MYBPC3: variants seen among roughly 807,000 people sequenced by gnomAD.
MYBPC3 encodes the protein myosin binding protein C3.
MYBPC3 carries 108 observed loss-of-function variants against 159.3 expected under a neutral mutation model. The observed-to-expected ratio is 0.68, with a 90% confidence interval of 0.58 to 0.80. MYBPC3 has a LOEUF of 0.80. Ranked by LOEUF, MYBPC3 falls within the 30% of genes least tolerant of loss-of-function variation. The probability of loss-of-function intolerance (pLI) is 0.00; values close to 1 mark genes in which losing one functional copy is unlikely to be tolerated. For synonymous variants in MYBPC3, 730 were observed against 702.0 expected (o/e 1.04, Z -0.63); for missense variants, 1,631 against 1,762.1 (o/e 0.93, Z 1.33).
In MYBPC3 at chr11:47,343,126, C is replaced by A; in HGVS notation, c.1246G>T (p.Gly416Cys). Residue 416 changes from glycine (G) to cysteine (C), a missense_variant, in exon 15 of 35, where the codon GGT becomes TGT. By Grantham distance (159) the Gly-to-Cys change is radical. Coordinates refer to ENST00000545968, the MANE Select transcript of MYBPC3 (RefSeq NM_000256.3). ...CTGATGGTCAGGGTACGCTTGGCAC[C>A]GATGGACTCAAAGATGTACCTGGGT... Reference protein sequence around the residue: ...SGSKYIFESIGAKRTLTISQC... With the variant: ...SGSKYIFESICAKRTLTISQC... The A allele has an allele frequency of 6.2e-7, 1 of 1,611,562 alleles. No individual in the cohort carries two copies. The highest frequency in any genetic ancestry group is 8.5e-7 in the Non-Finnish European group (1 of 1,178,972).
rs780665978 is a variant in MYBPC3 at position 47,339,796 on chromosome 11, G to A, written c.1928-6C>T. The A allele has an allele frequency of 2.5e-6, 4 of 1,613,090 alleles. No individual in the cohort carries two copies. The Middle Eastern group carries it at 5.0e-4, about 200-fold the overall frequency. ...CAGGTGGATCTTGGGAGGTTCTGCA[G>A]AAGACACAATGTAGTTCAGAGAAAC... On this transcript the variant is annotated splice_region_variant and splice_polypyrimidine_tract_variant and intron_variant, in intron 20 of 34. Transcript: ENST00000545968.
At position 47,342,120 on chromosome 11, in the gene MYBPC3, A is replaced by T; in HGVS notation, c.1661T>A (p.Leu554Gln). ...CGCCTGGTCCTTTGCGCCCACCATC[A>T]GGTCTGCGATGCTCTGGTACACCTC... Reference protein sequence around the residue: ...KLEVYQSIADLMVGAKDQAVF... With the variant: ...KLEVYQSIADQMVGAKDQAVF... The change falls in exon 18 of 35, where the codon CTG becomes CAG. Residue 554 changes from leucine (L) to glutamine (Q), a missense_variant. Leu to Gln is a moderately radical substitution (Grantham distance 113). Transcript: ENST00000545968. 1 of 1,614,010 alleles carries T rather than the reference A, an allele frequency of 6.2e-7. No individual in the cohort carries two copies. Among genetic ancestry groups the T allele is most frequent in the Non-Finnish European group, 8.5e-7 (1 of 1,179,884 alleles).
In MYBPC3 at chr11:47,342,674, GTC is replaced by G. The variant is rs2142861049; in HGVS notation, c.1526_1527del (p.Arg509ThrfsTer21). The stretch of plus-strand genomic sequence containing the variant: ...ATGGCCTCGTTGATGATCAGGTGGT[GTC>G]TCTGCCCGTCCTTCTTGAACCGGTA... ...FKYRFKKDGQRHHLIINEAML... is the reference protein window; with the variant it reads ...FKYRFKKDGQXHHLIINEAML... On this transcript the variant is annotated frameshift_variant, in exon 17 of 35. Coordinates refer to ENST00000545968, the MANE Select transcript of MYBPC3 (RefSeq NM_000256.3). LOFTEE classifies it high-confidence loss of function. The G allele has an allele frequency of 6.2e-7, 1 of 1,614,056 alleles. No individual in the cohort carries two copies. Among genetic ancestry groups the G allele is most frequent in the Non-Finnish European group, 8.5e-7 (1 of 1,179,894 alleles).
rs745843437 is a variant in MYBPC3, at chr11:47,348,381, C to T, written c.772+43G>A. The stretch of plus-strand genomic sequence containing the variant: ...GAAAAGGAGGTAGGAGACCAGGACC[C>T]ATGGGGAGCCCGAGCCCAGGACAGA... On this transcript the variant is annotated intron_variant, in intron 6 of 34. Transcript: ENST00000545968. The T allele has an allele frequency of 9.1e-6, 13 of 1,435,940 alleles. 1 individual carries two copies. The highest frequency in any genetic ancestry group is 3.5e-4 in the Middle Eastern group (2 of 5,786). The allele number at this position is 1,435,940 out of a possible 1,614,324, so 88.9% of individuals were successfully genotyped here.
chr11:47,349,769 C>T lies in MYBPC3; in HGVS notation c.654+5G>A, dbSNP rs397516066. The T allele has an allele frequency of 6.2e-7, 1 of 1,602,848 alleles. No individual in the cohort carries two copies. The highest frequency in any genetic ancestry group is 8.5e-7 in the Non-Finnish European group (1 of 1,179,462). ...TCCGTGTCTCCACGACCCCGGTGGA[C>T]CCACCTTGCTGGCGCGGTCGTAGCT... On this transcript the variant is annotated splice_donor_5th_base_variant and intron_variant, in intron 5 of 34. Transcript: ENST00000545968.
rs768731817 is a variant in MYBPC3, at chr11:47,346,178, T to C, written c.1090+29A>G. 33 of 1,612,748 alleles carry C rather than the reference T, an allele frequency of 2.0e-5. No individual in the cohort carries two copies. The African/African-American group carries it at 4.1e-4, about 20-fold the overall frequency. The stretch of plus-strand genomic sequence containing the variant: ...TGTAGGGAAGGGCTAGCCTGTGCCC[T>C]CTCCTCTCCCCTCTGAGGAAGGGCT... On this transcript the variant is annotated intron_variant, in intron 12 of 34. Coordinates refer to ENST00000545968, the MANE Select transcript of MYBPC3 (RefSeq NM_000256.3). The surrounding 1 kb of genome is among the most constrained non-coding windows in gnomAD (Gnocchi z 5.3).
Position 47,333,539 on chromosome 11 carries a change from G to A in MYBPC3, c.3190+18C>T. ...GGGAAGGGAAACAAGGGGGCTCAAG[G>A]AGGCCTTGGCCACGCACCAACAACC... On this transcript the variant is annotated intron_variant, in intron 29 of 34. Coordinates refer to ENST00000545968, the MANE Select transcript of MYBPC3 (RefSeq NM_000256.3). 1 of 1,599,456 alleles carries A rather than the reference G, an allele frequency of 6.3e-7. No homozygotes were observed. Among genetic ancestry groups the A allele is most frequent in the Non-Finnish European group, 8.5e-7 (1 of 1,179,624 alleles).
intron 21 of MYBPC3, 33 bp from the exon 22 acceptor site, chr11:47,339,437 G>A: frequency 6.2e-7 from 1 of 1,607,604 alleles, no homozygotes; most frequent in Non-Finnish European, 8.5e-7. Context: ...GTAGGGAGCA[G>A]AGGAGCTGAC....
intron 6 of MYBPC3, 74 bp downstream of exon 6, chr11:47,348,350 T>G: frequency 9.2e-7 from 1 of 1,091,558 alleles, no homozygotes. Flanking sequence ...TCCTCCTTAG[T>G]GTTGGGAAAA....
rs1298520392 is a variant in MYBPC3 at position 47,346,330 on chromosome 11, C to T, written c.967G>A (p.Glu323Lys). The T allele has an allele frequency of 1.2e-6, 2 of 1,609,794 alleles. No individual in the cohort carries two copies. The highest frequency in any genetic ancestry group is 1.7e-6 in the Non-Finnish European group (2 of 1,177,850). Residue 323 changes from glutamate (E) to lysine (K), a missense_variant, in exon 12 of 35, where the codon GAG (glutamate) becomes AAG (lysine). Coordinates refer to ENST00000545968, the MANE Select transcript of MYBPC3 (RefSeq NM_000256.3). This position sits in a 1 kb window ranked among gnomAD's most constrained non-coding sequence, Gnocchi z 5.3. Reference sequence around the variant, plus strand: ...GATGGGGGTGCCTGCCGTAGGATCTCCCACACGTCCTCCTCTGCTGGTGCC... The same window carrying T: ...GATGGGGGTGCCTGCCGTAGGATCTTCCACACGTCCTCCTCTGCTGGTGCC... The part of the protein sequence containing the change: ...LEAPAEEDVW[E>K]ILRQAPPSEY...
In MYBPC3 at chr11:47,336,003, TG is replaced by T. The variant is rs397515979; in HGVS notation, c.2610del (p.Ser871AlafsTer8). On this transcript the variant is annotated frameshift_variant, in exon 26 of 35. Transcript: ENST00000545968. LOFTEE classifies it high-confidence loss of function. ...ASQPFMPIGP[P>X]SEPTHLAVED... ...TCTACTGCCAGGTGGGTGGGTTCGC[TG>T]GGGGGACCTGGGCAGAGGAGAGGTC... The T allele has an allele frequency of 1.3e-5, 20 of 1,518,174 alleles. No homozygotes were observed. Among genetic ancestry groups the T allele is most frequent in the Admixed American group, 6.0e-5 (3 of 49,718 alleles). 94.0% of individuals were successfully genotyped at this position (1,518,174 alleles called of 1,614,324 possible).
Position 47,339,752 on chromosome 11 carries a change from G to A in MYBPC3, c.1966C>T (p.Pro656Ser). 6.2e-7 allele frequency: 1 copy of A among 1,613,970 alleles called. No homozygotes were observed. The highest frequency in any genetic ancestry group is 8.5e-7 in the Non-Finnish European group (1 of 1,179,848). The change falls in exon 21 of 35, where the codon CCA (proline) becomes TCA (serine). Residue 656 changes from proline to serine, a missense_variant. By Grantham distance (74) the Pro-to-Ser change is moderately conservative. Transcript: ENST00000545968. ...CCAGCTACAACCACAATGGTGTCTG[G>A]TATGCGGCCTGGGCAGTCCAGGTGG... ...KIHLDCPGRI[P>S]DTIVVVAGNK...
At chr11:47,349,180 T>G (rs1366418540) in intron 5 of MYBPC3, among the ~76,000 whole-genome samples, 5 of 151,482 alleles carry the variant, frequency 3.3e-5, no homozygotes, top group Admixed American at 6.6e-5. Context: ...AAGCAGAGGC[T>G]TGGAGTGAAC....
rs541204647 is a variant in MYBPC3 at position 47,332,614 on chromosome 11, G to A, written c.3579C>T (p.Ile1193=). ...FTQPLVNRSV[I]AGYTAMLCCA... is the part of the protein sequence containing the mutation. Reference sequence around the variant, plus strand: ...AGCAGAGCATAGCAGTGTAGCCCGCGATGACCGAGCGGTTCACCAGGGGCT... The same window carrying A: ...AGCAGAGCATAGCAGTGTAGCCCGCAATGACCGAGCGGTTCACCAGGGGCT... Residue 1193 remains isoleucine (I), a synonymous_variant, in exon 32 of 35, where the codon ATC becomes ATT. Coordinates refer to ENST00000545968, the MANE Select transcript of MYBPC3 (RefSeq NM_000256.3). The surrounding 1 kb of genome is among the most constrained non-coding windows in gnomAD (Gnocchi z 4.2). 42 of 1,613,920 alleles carry A rather than the reference G, an allele frequency of 2.6e-5. No homozygotes were observed. The highest frequency in any genetic ancestry group is 6.7e-5 in the Admixed American group (4 of 60,024).
intron 20 of MYBPC3, 89 bp downstream of exon 20, chr11:47,340,914 G>A: frequency 1.4e-6 from 2 of 1,383,822 alleles, no homozygotes; most frequent in South Asian, 1.6e-5. Context: ...TTTGATCCTT[G>A]CTCTTCCCTC....
At chr11:47,333,375 A>C (rs370631872) in intron 29 of MYBPC3, 42 bp from the exon 30 acceptor site, 1 of 1,523,396 alleles carries the variant, frequency 6.6e-7, no homozygotes, top group East Asian at 2.4e-5. Flanking sequence ...GCCTCCTGAC[A>C]GTGAGCAGGG....
At position 47,343,536 on chromosome 11, in the gene MYBPC3, C is replaced by T. The variant is rs770549835; in HGVS notation, c.1179G>A (p.Glu393=). The change falls in exon 13 of 35, where the codon GAG becomes GAA. Residue 393 remains glutamate (E), a synonymous_variant. Transcript: ENST00000545968. ...LTVELADHDA[E]VKWLKNGQEI... is the part of the protein sequence containing the mutation. ...CCTGGCCATTCTTGAGCCATTTGAC[C>T]TCAGCGTCATGGTCAGCCAGTTCCA... 2.7e-5 allele frequency: 44 copies of T among 1,610,286 alleles called. No individual in the cohort carries two copies. The highest frequency in any genetic ancestry group is 3.6e-5 in the Non-Finnish European group (42 of 1,178,578).
In MYBPC3 at chr11:47,339,729, A is replaced by T. The variant is rs375467797; in HGVS notation, c.1989T>A (p.Ala663=). 1.0e-4 allele frequency: 165 copies of T among 1,613,848 alleles called. No individual in the cohort carries two copies. The highest frequency in any genetic ancestry group is 1.3e-4 in the Non-Finnish European group (158 of 1,179,850). The change falls in exon 21 of 35, where the codon GCT becomes GCA. Residue 663 remains alanine (A), a synonymous_variant. Transcript: ENST00000545968. ...GGACGTCCAGACGTAGCTTATTTCC[A>T]GCTACAACCACAATGGTGTCTGGTA... The part of the protein sequence containing the change: ...GRIPDTIVVV[A]GNKLRLDVPI...
At chr11:47,348,908 T>TTATATATATATATA (rs58411933) in intron 5 of MYBPC3, among the ~76,000 whole-genome samples, 5,674 of 39,814 alleles carry the variant, frequency 0.14, 1,289 homozygotes, top group South Asian at 0.28. Context: ...CTGTCTCAAA[T>TTATATATATATATA]TATATATATA....
Sources: allele counts gnomAD v4.1 joint callset (sites outside exome capture counted in the v4.1 genomes callset), GRCh38; gene constraint gnomAD v4.1.1; non-coding constraint Gnocchi (gnomAD v3.1); transcripts MANE v1.5; gene names NCBI Gene and HGNC (gene_info 2026-07-23, HGNC 2026-07-21).